The following A1CF variants were observed in gnomAD, a reference collection of about 807,000 sequenced individuals.
A1CF encodes APOBEC-1 stimulating protein.
A neutral mutation model predicts 68.9 loss-of-function variants in A1CF; 48 were observed. The ratio of observed to expected loss-of-function variants is 0.70; its 90% CI spans 0.55 to 0.89. The LOEUF (loss-of-function observed/expected upper bound fraction) is 0.89. Ranked by LOEUF, A1CF falls within the 40% of genes least tolerant of loss-of-function variation. A1CF has a pLI of 0.00. For missense variants in A1CF, 653 were observed against 718.9 expected (o/e 0.91, Z 1.05); for synonymous variants, 272 against 260.4 (o/e 1.04, Z -0.43).
At chr10:50,874,016 A>G (rs1291914423) in intron 1 of A1CF, among the ~76,000 whole-genome samples, 3 of 152,138 alleles carry the variant, frequency 2.0e-5, no homozygotes, top group Non-Finnish European at 4.4e-5. Context: ...GCACATATGT[A>G]CACACACCGG....
rs1354992579 is a variant in A1CF, at chr10:50,802,950, T to C, written c.*3779A>G. ...TCTATGCAATCAGAATAACATTTTT[T>C]CTAAAAAATACTTTTAAGTAAAATA... is the stretch of plus-strand genomic sequence containing the variant. On this transcript the variant is annotated 3_prime_UTR_variant, in exon 13 of 13. Transcript: ENST00000373997. The C allele has an allele frequency of 6.6e-6, 1 of 152,232 alleles. No individual in the cohort carries two copies. Among genetic ancestry groups the C allele is most frequent in the East Asian group, 1.9e-4 (1 of 5,200 alleles). The allele number at this position is 152,232 out of a possible 1,614,324, so 9.4% of individuals were successfully genotyped here.
intron 1 of A1CF, among the ~76,000 whole-genome samples, chr10:50,871,224 G>C (rs1324155825): frequency 6.6e-6 from 1 of 151,520 alleles, no homozygotes; most frequent in Non-Finnish European, 1.5e-5. Context: ...TTACTACAAG[G>C]AAAATTATAA....
At chr10:50,874,307 T>G (rs1481422418) in intron 1 of A1CF, among the ~76,000 whole-genome samples, 1 of 152,234 alleles carries the variant, frequency 6.6e-6, no homozygotes, top group Admixed American at 6.5e-5. Flanking sequence ...CTGTTTAAAA[T>G]TGTATAATTT....
chr10:50,878,786 G>A (rs564776355), intron 1 of A1CF, among the ~76,000 whole-genome samples: 1 of 152,246 alleles, frequency 6.6e-6, no homozygotes, highest in South Asian at 2.1e-4. Flanking sequence ...TCAAGTTAAT[G>A]CACCTGTTAA....
At chr10:50,880,272 G>A (rs973582007) in intron 1 of A1CF, among the ~76,000 whole-genome samples, 1 of 152,176 alleles carries the variant, frequency 6.6e-6, no homozygotes, top group Non-Finnish European at 1.5e-5. Flanking sequence ...CTTATTAGTG[G>A]TGTGACCTGG....
intron 9 of A1CF, among the ~76,000 whole-genome samples, chr10:50,814,976 AC>A (rs1838297810): frequency 6.6e-6 from 1 of 152,182 alleles, no homozygotes; most frequent in African/African-American, 2.4e-5. Flanking sequence ...TGAGTATGAA[AC>A]TTTTAAGGCT....
At chr10:50,827,374 T>C (rs1839000483) in intron 7 of A1CF, among the ~76,000 whole-genome samples, 1 of 152,156 alleles carries the variant, frequency 6.6e-6, no homozygotes, top group African/African-American at 2.4e-5. Context: ...ATTGACCACA[T>C]AGTTGGAAGT....
chr10:50,841,886 T>A lies in A1CF; in HGVS notation c.341A>T (p.Lys114Met). The change falls in exon 5 of 13, where the codon AAG becomes ATG. Residue 114 changes from lysine to methionine, a missense_variant. Lys to Met is a moderately conservative substitution (Grantham distance 95, BLOSUM62 -1). Coordinates refer to ENST00000373997, the MANE Select transcript of A1CF (RefSeq NM_014576.4). Reference sequence around the variant, plus strand: ...CCTAATTTCATAATTATTAAGTTGCTTGATTGCATTCTTGGCTTCCACTTT... The same window carrying A: ...CCTAATTTCATAATTATTAAGTTGCATGATTGCATTCTTGGCTTCCACTTT... ...SNKVEAKNAI[K>M]QLNNYEIRNG... The A allele has an allele frequency of 6.2e-7, 1 of 1,613,450 alleles. No homozygotes were observed.
rs1837577992 is a variant in A1CF, at chr10:50,800,983, G to T, written c.*5746C>A. On this transcript the variant is annotated 3_prime_UTR_variant, in exon 13 of 13. Coordinates refer to ENST00000373997, the MANE Select transcript of A1CF (RefSeq NM_014576.4). ...GAAGTAACTCAACTCAAGGAAGAAA[G>T]AAACCAATAAATGCTCTAATACCCT... 1 of 152,152 alleles carries T rather than the reference G, an allele frequency of 6.6e-6. No individual in the cohort carries two copies. The highest frequency in any genetic ancestry group is 2.1e-4 in the South Asian group (1 of 4,820). 9.4% of individuals were successfully genotyped at this position (152,152 alleles called of 1,614,324 possible). A position where few individuals can be genotyped will look rare whatever the true frequency, so the allele number is the denominator to read the frequency against.
chr10:50,863,827 G>A (rs1371468822), intron 2 of A1CF, among the ~76,000 whole-genome samples: 2 of 151,998 alleles, frequency 1.3e-5, no homozygotes, highest in South Asian at 2.1e-4. Flanking sequence ...GGAAATTATA[G>A]TTAACAATAA....
At chr10:50,876,373 TCAGAAA>T (rs1289023442) in intron 1 of A1CF, among the ~76,000 whole-genome samples, 2 of 152,202 alleles carry the variant, frequency 1.3e-5, no homozygotes, top group Non-Finnish European at 2.9e-5. Context: ...TATCAGAAAC[TCAGAAA>T]CAGGAATACT....
intron 3 of A1CF, among the ~76,000 whole-genome samples, chr10:50,856,900 T>C (rs762759081): frequency 2.2e-4 from 34 of 152,150 alleles, no homozygotes; most frequent in Non-Finnish European, 4.0e-4. Flanking sequence ...GTATTTTATA[T>C]GTTAACATTT....
At chr10:50,877,426 TA>T (rs547533222) in intron 1 of A1CF, among the ~76,000 whole-genome samples, 90 of 152,318 alleles carry the variant, frequency 5.9e-4, no homozygotes, top group African/African-American at 2.1e-3. Context: ...TGGAGAAATT[TA>T]AGTTGAAAAC....
intron 3 of A1CF, chr10:50,850,894 T>C: frequency 1.4e-6 from 2 of 1,420,524 alleles, no homozygotes; most frequent in Non-Finnish European, 9.4e-7. Context: ...ATTTATTCAA[T>C]AGGCCCATCT....
intron 6 of A1CF, among the ~76,000 whole-genome samples, chr10:50,835,141 A>G (rs980081770): frequency 1.3e-5 from 2 of 151,772 alleles, no homozygotes; most frequent in African/African-American, 4.8e-5. Flanking sequence ...GGACTGTCTC[A>G]TTTTTTTTCC....
chr10:50,869,976 A>G, intron 1 of A1CF, among the ~76,000 whole-genome samples: 1 of 151,846 alleles, frequency 6.6e-6, no homozygotes, highest in East Asian at 1.9e-4. Flanking sequence ...AAAATATCAT[A>G]CTTTTCATGA....
chr10:50,859,921 G>A lies in A1CF; in HGVS notation c.20C>T (p.Ser7Phe). MESNHKSGDGLSGTQKE... is the reference protein window; with the variant it reads MESNHKFGDGLSGTQKE... ...CTGAGTGCCGCTCAATCCATCCCCG[G>A]ATTTGTGATTTGATTCCATTGAGAG... The change falls in exon 3 of 13, where the codon TCC becomes TTC. Residue 7 changes from serine to phenylalanine, a missense_variant. Ser to Phe is a radical substitution (Grantham distance 155). Transcript: ENST00000373997. 1 of 1,613,856 alleles carries A rather than the reference G, an allele frequency of 6.2e-7. No homozygotes were observed.
intron 3 of A1CF, among the ~76,000 whole-genome samples, chr10:50,845,845 T>C (rs1012543497): frequency 2.6e-5 from 4 of 151,984 alleles, no homozygotes; most frequent in African/African-American, 9.7e-5. Flanking sequence ...TTCCAGCTAC[T>C]TGGGAGTCTG....
chr10:50,842,181 T>A (rs531040277), intron 4 of A1CF, among the ~76,000 whole-genome samples, 189 bp from the exon 5 acceptor site: 2 of 152,350 alleles, frequency 1.3e-5, no homozygotes, highest in East Asian at 3.9e-4. Context: ...TTCAGATCAG[T>A]TATCTGATTC....
Sources: allele counts gnomAD v4.1 joint callset (sites outside exome capture counted in the v4.1 genomes callset), GRCh38; gene constraint gnomAD v4.1.1; transcripts MANE v1.5; gene names NCBI Gene and HGNC (gene_info 2026-07-23, HGNC 2026-07-21).